The following C10orf90 variants were observed in gnomAD, a reference collection of about 807,000 sequenced individuals.
C10orf90 encodes the protein (E2-independent) E3 ubiquitin-conjugating enzyme FATS.
Under a neutral mutation model 62.5 loss-of-function variants are expected in C10orf90, and 56 were observed. That is an observed-to-expected ratio of 0.90 (90% CI 0.72 to 1.12). The LOEUF is 1.12. Ranked by LOEUF, C10orf90 falls within the 50% of genes most tolerant of loss-of-function variation. The pLI, the probability that C10orf90 is intolerant of heterozygous loss-of-function variation, is 0.00. For synonymous variants in C10orf90, 386 were observed against 340.4 expected, an observed-to-expected ratio of 1.13 and a Z score of -1.47; for missense variants, 970 against 880.4, an observed-to-expected ratio of 1.10 and a Z score of -1.29.
chr10:126,459,506 C>T lies in C10orf90; in HGVS notation c.2011-289G>A, dbSNP rs116334397. The stretch of plus-strand genomic sequence containing the variant: ...TGGGAGTGCAGAGGCAACGTCTGCC[C>T]ATTCATCTTTCTACCCTGCTGAGTC... On this transcript the variant is annotated intron_variant, in intron 6 of 9. Coordinates refer to ENST00000488181, the MANE Select transcript of C10orf90 (RefSeq NM_001350921.2). 4.8e-3 allele frequency among the ~76,000 whole-genome samples: 732 copies of T among 152,292 alleles called. 8 individuals carry two copies. Among genetic ancestry groups the T allele is most frequent in the African/African-American group, 0.016 (678 of 41,566 alleles).
chr10:126,533,342 C>T (rs1372147611), intron 2 of C10orf90, among the ~76,000 whole-genome samples: 1 of 152,130 alleles, frequency 6.6e-6, no homozygotes, highest in East Asian at 1.9e-4. Flanking sequence ...AAATCTCTTC[C>T]CAGCCATGTC....
intron 2 of C10orf90, among the ~76,000 whole-genome samples, chr10:126,615,161 C>A (rs532712407): frequency 6.6e-6 from 1 of 152,206 alleles, no homozygotes; most frequent in East Asian, 1.9e-4. Context: ...GAGGATGCGC[C>A]CTACCTCACC....
intron 2 of C10orf90, among the ~76,000 whole-genome samples, chr10:126,543,886 C>A (rs905399270): frequency 6.6e-6 from 1 of 152,106 alleles, no homozygotes; most frequent in African/African-American, 2.4e-5. Flanking sequence ...ACTGCTGACT[C>A]GAGCTTCAAG....
intron 2 of C10orf90, among the ~76,000 whole-genome samples, chr10:126,623,526 C>G (rs1317058035): frequency 1.3e-5 from 2 of 152,116 alleles, no homozygotes; most frequent in Non-Finnish European, 2.9e-5. Flanking sequence ...ACCTTGATCT[C>G]TCTCTTTCCC....
intron 2 of C10orf90, among the ~76,000 whole-genome samples, chr10:126,538,538 C>G (rs1316142912): frequency 6.6e-6 from 1 of 152,222 alleles, no homozygotes; most frequent in Non-Finnish European, 1.5e-5. Context: ...GTGCATGGTG[C>G]TTTGCTACGG....
At chr10:126,457,152 C>A (rs1859638560) in intron 7 of C10orf90, among the ~76,000 whole-genome samples, 1 of 152,090 alleles carries the variant, frequency 6.6e-6, no homozygotes, top group African/African-American at 2.4e-5. Context: ...TCACACCTGG[C>A]CAATTTTTGT....
intron 2 of C10orf90, among the ~76,000 whole-genome samples, chr10:126,603,312 T>C (rs1845237340): frequency 6.6e-6 from 1 of 151,974 alleles, no homozygotes; most frequent in African/African-American, 2.4e-5. Context: ...CAAGGAGAAG[T>C]GCTGAGCAAA....
At chr10:126,602,957 T>C (rs12253395) in intron 2 of C10orf90, among the ~76,000 whole-genome samples, 2,659 of 149,658 alleles carry the variant, frequency 0.018, 67 homozygotes, top group African/African-American at 0.062. Context: ...AGGGACAGAG[T>C]TGGGGAGAAG....
At chr10:126,603,759 A>C (rs1390346399) in intron 2 of C10orf90, among the ~76,000 whole-genome samples, 1 of 152,138 alleles carries the variant, frequency 6.6e-6, no homozygotes, top group African/African-American at 2.4e-5. Flanking sequence ...ACCTCTGTCT[A>C]TGAAAGGGTT....
chr10:126,468,257 C>T (rs909349470), intron 4 of C10orf90, among the ~76,000 whole-genome samples: 8 of 151,944 alleles, frequency 5.3e-5, no homozygotes, highest in Non-Finnish European at 7.4e-5. Context: ...TTAGTGGAGA[C>T]GAGGTTTTAC....
chr10:126,668,312 T>C (rs149030559), intron 1 of C10orf90, among the ~76,000 whole-genome samples: 1 of 152,302 alleles, frequency 6.6e-6, no homozygotes, highest in Non-Finnish European at 1.5e-5. Flanking sequence ...TGTCAGCCCA[T>C]TGAGTACTTT....
At chr10:126,564,281 T>C (rs980234146) in intron 2 of C10orf90, among the ~76,000 whole-genome samples, 1 of 151,910 alleles carries the variant, frequency 6.6e-6, no homozygotes, top group South Asian at 2.1e-4. Flanking sequence ...ACATCAAGAA[T>C]GGAGACCCAG....
chr10:126,613,443 A>G (rs529655490), intron 2 of C10orf90, among the ~76,000 whole-genome samples: 2 of 152,068 alleles, frequency 1.3e-5, no homozygotes, highest in Non-Finnish European at 2.9e-5. Context: ...ACAAGGTCTG[A>G]CTATATTGCC....
intron 1 of C10orf90, among the ~76,000 whole-genome samples, chr10:126,660,954 G>A (rs906842590): frequency 3.9e-5 from 6 of 152,208 alleles, no homozygotes; most frequent in African/African-American, 1.4e-4. Context: ...AACACTTAAC[G>A]TGGCATGGGA....
intron 7 of C10orf90, among the ~76,000 whole-genome samples, chr10:126,438,841 A>G (rs1352783844): frequency 6.6e-6 from 1 of 152,048 alleles, no homozygotes; most frequent in Admixed American, 6.6e-5. Flanking sequence ...CATTACCAAC[A>G]TGGCAGTGGG....
At chr10:126,646,047 A>G (rs763518088) in intron 2 of C10orf90, among the ~76,000 whole-genome samples, 1 of 152,226 alleles carries the variant, frequency 6.6e-6, no homozygotes, top group African/African-American at 2.4e-5. Flanking sequence ...TTTTGCTCAC[A>G]AAGAGTGGGG....
At chr10:126,488,363 C>A (rs1861548665) in intron 4 of C10orf90, among the ~76,000 whole-genome samples, 1 of 151,608 alleles carries the variant, frequency 6.6e-6, no homozygotes, top group Non-Finnish European at 1.5e-5. Context: ...CAATACATAC[C>A]AAAATTAGAA....
chr10:126,597,689 G>A (rs903696169), intron 2 of C10orf90, among the ~76,000 whole-genome samples: 3 of 152,172 alleles, frequency 2.0e-5, no homozygotes, highest in African/African-American at 7.2e-5. Flanking sequence ...GCATTTGGGA[G>A]AGCTTTAAGA....
At chr10:126,497,366 G>A (rs1475931154) in intron 4 of C10orf90, among the ~76,000 whole-genome samples, 1 of 152,116 alleles carries the variant, frequency 6.6e-6, no homozygotes, top group African/African-American at 2.4e-5. Context: ...GAGAGTCAGA[G>A]CGAGACGGGA....
Sources: allele counts gnomAD v4.1 joint callset (sites outside exome capture counted in the v4.1 genomes callset), GRCh38; gene constraint gnomAD v4.1.1; transcripts MANE v1.5; gene names NCBI Gene and HGNC (gene_info 2026-07-23, HGNC 2026-07-21).